The following VWA3B variants were observed in gnomAD, a reference collection of about 807,000 sequenced individuals.
VWA3B encodes von Willebrand factor A domain containing 3B.
In VWA3B, 138 loss-of-function variants were observed where a neutral mutation model predicts 158.3. The observed-to-expected ratio is 0.87, with a 90% CI of 0.76 to 1.00. VWA3B has a LOEUF of 1.00. Ranked by LOEUF, VWA3B falls within the 50% of genes least tolerant of loss-of-function variation. VWA3B has a pLI of 0.00. For synonymous variants in VWA3B, 596 were observed against 587.3 expected (o/e 1.01, Z -0.21); for missense variants, 1,555 against 1,565.1 (o/e 0.99, Z 0.11).
intron 6 of VWA3B, among the ~76,000 whole-genome samples, chr2:98,133,231 C>A (rs145381233): frequency 6.6e-6 from 1 of 152,296 alleles, no homozygotes; most frequent in East Asian, 1.9e-4. Context: ...AGTGTGTATT[C>A]CTAACCTGCT....
At chr2:98,210,725 C>G (rs1408552888) in intron 12 of VWA3B, among the ~76,000 whole-genome samples, 5 of 152,146 alleles carry the variant, frequency 3.3e-5, no homozygotes, top group African/African-American at 1.2e-4. Flanking sequence ...GGCTGTCAGT[C>G]TCTGCTCCCT....
chr2:98,120,195 GAAC>G (rs1289942638), intron 4 of VWA3B, among the ~76,000 whole-genome samples: 1 of 152,142 alleles, frequency 6.6e-6, no homozygotes, highest in Non-Finnish European at 1.5e-5. Context: ...CCTTTCACCA[GAAC>G]AACAGGTGGC....
intron 21 of VWA3B, among the ~76,000 whole-genome samples, chr2:98,265,415 T>A (rs935281824): frequency 5.3e-5 from 8 of 151,998 alleles, no homozygotes; most frequent in Non-Finnish European, 1.2e-4. Context: ...GGTGTATATG[T>A]GCCACATTTT....
At chr2:98,112,521 A>G (rs1203437486) in intron 2 of VWA3B, among the ~76,000 whole-genome samples, 1 of 151,394 alleles carries the variant, frequency 6.6e-6, no homozygotes, top group African/African-American at 2.4e-5. Flanking sequence ...AATCCGTAAC[A>G]TTTTCCTTCC....
the VWA3B span, among the ~76,000 whole-genome samples, chr2:98,329,352 C>T: frequency 5.3e-5 from 8 of 152,056 alleles, no homozygotes; most frequent in East Asian, 1.9e-4. Flanking sequence ...CATTAAAATT[C>T]GAAACTTCTA....
intron 12 of VWA3B, among the ~76,000 whole-genome samples, chr2:98,203,925 C>G (rs750132057): frequency 1.3e-5 from 2 of 152,056 alleles, no homozygotes; most frequent in Non-Finnish European, 2.9e-5. Flanking sequence ...CATAACAATA[C>G]AACAATAAAA....
chr2:98,281,146 G>C (rs1389224199), intron 22 of VWA3B, among the ~76,000 whole-genome samples: 1 of 152,092 alleles, frequency 6.6e-6, no homozygotes, highest in Non-Finnish European at 1.5e-5. Flanking sequence ...TTTTTCAAAG[G>C]GATGCAGAGT....
At chr2:98,199,800 T>A (rs1220544200) in intron 12 of VWA3B, among the ~76,000 whole-genome samples, 1 of 152,184 alleles carries the variant, frequency 6.6e-6, no homozygotes, top group Non-Finnish European at 1.5e-5. Flanking sequence ...TATGTAGAAA[T>A]ACATGAGACC....
intron 8 of VWA3B, among the ~76,000 whole-genome samples, chr2:98,172,354 CTGCTGGCCAGGGGCCTGCTGGCATGCCGG>C: frequency 7.4e-3 from 1 of 136 alleles, no homozygotes; most frequent in Non-Finnish European, 0.014. Context: ...GGTCAGGGGC[CTGCTGGCCAGGGGCCTGCTGGCATGCCGG>C]TGCGTTCCTC....
chr2:98,199,792 T>C (rs1162060323), intron 12 of VWA3B, among the ~76,000 whole-genome samples: 1 of 152,216 alleles, frequency 6.6e-6, no homozygotes, highest in African/African-American at 2.4e-5. Flanking sequence ...TTGCAAGATA[T>C]GTAGAAATAC....
chr2:98,216,982 A>ACCCCCCCCCCCCCCC (rs139373261), intron 13 of VWA3B: 2 of 972,856 alleles, frequency 2.1e-6, no homozygotes, highest in African/African-American at 3.7e-5. Flanking sequence ...CATTGTAAGC[A>ACCCCCCCCCCCCCCC]CCCGCCCCGC....
chr2:98,203,290 A>G (rs1157897033), intron 12 of VWA3B, among the ~76,000 whole-genome samples: 2 of 152,198 alleles, frequency 1.3e-5, no homozygotes, highest in African/African-American at 4.8e-5. Context: ...CTATTGTTAT[A>G]TGTGTTAATG....
At chr2:98,192,041 G>A (rs914520100) in intron 10 of VWA3B, among the ~76,000 whole-genome samples, 5 of 152,198 alleles carry the variant, frequency 3.3e-5, no homozygotes, top group Non-Finnish European at 7.3e-5. Flanking sequence ...CCAGGGCCTT[G>A]GTTATTACAG....
intron 17 of VWA3B, among the ~76,000 whole-genome samples, chr2:98,235,377 AT>A (rs1685611067): frequency 6.6e-6 from 1 of 151,870 alleles, no homozygotes; most frequent in South Asian, 2.1e-4. Flanking sequence ...TCATAGTTTA[AT>A]TTAGAACTCT....
chr2:98,143,185 G>A (rs768668999), intron 7 of VWA3B, among the ~76,000 whole-genome samples: 2 of 152,084 alleles, frequency 1.3e-5, no homozygotes, highest in South Asian at 2.1e-4. Flanking sequence ...GATTACATGC[G>A]CCTGCCATCA....
intron 22 of VWA3B, among the ~76,000 whole-genome samples, chr2:98,287,486 T>A (rs1295204916): frequency 6.6e-6 from 1 of 152,186 alleles, no homozygotes; most frequent in African/African-American, 2.4e-5. Flanking sequence ...TAATGACTAT[T>A]CTGGATGATG....
At chr2:98,279,279 G>T (rs1003799786) in intron 22 of VWA3B, among the ~76,000 whole-genome samples, 12 of 152,204 alleles carry the variant, frequency 7.9e-5, no homozygotes, top group African/African-American at 2.9e-4. Flanking sequence ...GAATGGGAAG[G>T]TGGGTGTCAA....
chr2:98,095,392 T>C (rs1009216093), intron 2 of VWA3B, among the ~76,000 whole-genome samples: 3 of 152,258 alleles, frequency 2.0e-5, no homozygotes, highest in African/African-American at 7.2e-5. Flanking sequence ...CTATTGTAAA[T>C]GGAATGGTTT....
At position 98,290,523 on chromosome 2, in the gene VWA3B, C is replaced by T; in HGVS notation, c.3058C>T (p.Gln1020Ter). 1.9e-6 allele frequency: 3 copies of T among 1,576,638 alleles called. No homozygotes were observed. Among genetic ancestry groups the T allele is most frequent in the Non-Finnish European group, 2.6e-6 (3 of 1,169,550 alleles). ...NKAPGEQQKL[Q>*]GNPTKKTKSK... ...TTGTCTTTTTCAGCAACAGAAATTG[C>T]AAGGAAATCCAACAAAGAAAACCAA... The change falls in exon 23 of 28, where the codon CAA (glutamine) becomes TAA (stop). Residue 1020 changes from glutamine (Q) to a stop codon, truncating the protein, a stop_gained. Transcript: ENST00000477737. LOFTEE classifies it high-confidence loss of function.
Sources: allele counts gnomAD v4.1 joint callset (sites outside exome capture counted in the v4.1 genomes callset), GRCh38; gene constraint gnomAD v4.1.1; transcripts MANE v1.5; gene names NCBI Gene and HGNC (gene_info 2026-07-23, HGNC 2026-07-21).